FLRT2: variants seen among roughly 807,000 people sequenced by gnomAD.
The protein encoded by FLRT2 is leucine-rich repeat transmembrane protein FLRT2.
Under a neutral mutation model 40.0 loss-of-function variants are expected in FLRT2, and 15 were observed. That is an observed-to-expected ratio of 0.38 (90% CI 0.25 to 0.58). The LOEUF is 0.58. FLRT2 is among the 20% of genes least tolerant of loss of function. The pLI, the probability that FLRT2 is intolerant of heterozygous loss-of-function variation, is 0.71. For synonymous variants in FLRT2, 380 were observed against 336.8 expected (o/e 1.13, Z -1.41); for missense variants, 726 against 840.0 (o/e 0.86, Z 1.68).
chr14:85,644,601 C>A lies in FLRT2; in HGVS notation c.*21104C>A, dbSNP rs558297998. 6.6e-6 allele frequency: 1 copy of A among 152,316 alleles called. No individual in the cohort carries two copies. Among genetic ancestry groups the A allele is most frequent in the East Asian group, 1.9e-4 (1 of 5,186 alleles). The allele number at this position is 152,316 out of a possible 1,614,324, so 9.4% of individuals were successfully genotyped here. Reference sequence around the variant, plus strand: ...TTTTGCAAATTTCTGGGAGTTTAGTCCGGCATGTCTGGAAATCCTTTCCAA... The same window carrying A: ...TTTTGCAAATTTCTGGGAGTTTAGTACGGCATGTCTGGAAATCCTTTCCAA... On this transcript the variant is annotated 3_prime_UTR_variant, in exon 2 of 2. Coordinates refer to ENST00000330753, the MANE Select transcript of FLRT2 (RefSeq NM_013231.6).
intron 1 of FLRT2, among the ~76,000 whole-genome samples, chr14:85,618,010 G>A (rs958971315): frequency 2.0e-5 from 3 of 152,196 alleles, no homozygotes; most frequent in South Asian, 2.1e-4. Context: ...AGAGAGCAAG[G>A]CCTGGGGGCA....
At position 85,639,175 on chromosome 14, in the gene FLRT2, G is replaced by T. The variant is rs1459857848; in HGVS notation, c.*15678G>T. 6.6e-6 allele frequency: 1 copy of T among 152,144 alleles called. No individual in the cohort carries two copies. The highest frequency in any genetic ancestry group is 1.5e-5 in the Non-Finnish European group (1 of 68,034). 9.4% of individuals were successfully genotyped at this position (152,144 alleles called of 1,614,324 possible). On this transcript the variant is annotated 3_prime_UTR_variant, in exon 2 of 2. Transcript: ENST00000330753. ...TAAGGATACCTGCAGGATCCCACAG[G>T]TTTTCTCAGGGATTTGCTGGAAGCT...
At position 85,653,251 on chromosome 14, in the gene FLRT2, C is replaced by A. The variant is rs986686402; in HGVS notation, c.*29754C>A. On this transcript the variant is annotated 3_prime_UTR_variant, in exon 2 of 2. Transcript: ENST00000330753. ...GTTTTGAGCAAAGTTGTAACCCTGC[C>A]CACAAAATAGCTTTGCTAGGGAACA... 3 of 151,978 alleles carry A rather than the reference C, an allele frequency of 2.0e-5. No individual in the cohort carries two copies. The highest frequency in any genetic ancestry group is 4.4e-5 in the Non-Finnish European group (3 of 68,018). 9.4% of individuals were successfully genotyped at this position (151,978 alleles called of 1,614,324 possible).
chr14:85,577,474 C>T (rs1426715424), intron 1 of FLRT2, among the ~76,000 whole-genome samples: 2 of 152,146 alleles, frequency 1.3e-5, no homozygotes, highest in East Asian at 3.9e-4. Context: ...TTGTTAATTC[C>T]CTGCAGCCAT....
chr14:85,561,046 A>C (rs1469024883), intron 1 of FLRT2: 1 of 152,170 alleles, frequency 6.6e-6, no homozygotes, highest in East Asian at 1.9e-4. Context: ...CACTGTCAGT[A>C]TGTAGAGCAC....
intron 1 of FLRT2, among the ~76,000 whole-genome samples, chr14:85,534,015 C>G (rs1203514842): frequency 6.6e-6 from 1 of 152,222 alleles, no homozygotes; most frequent in African/African-American, 2.4e-5. Flanking sequence ...CCCCAACCCT[C>G]TTCTTCCATG....
At position 85,633,240 on chromosome 14, in the gene FLRT2, T is replaced by TG. The variant is rs1043386415; in HGVS notation, c.*9748dup. ...GGTTTTCATTATTCTGTATTCTTTC[T>TG]GGGGGAAAAAAATTGGGAAGATGAG... On this transcript the variant is annotated 3_prime_UTR_variant, in exon 2 of 2. Transcript: ENST00000330753. 6.6e-6 allele frequency: 1 copy of TG among 152,256 alleles called. No homozygotes were observed. The highest frequency in any genetic ancestry group is 2.4e-5 in the African/African-American group (1 of 41,560). 9.4% of individuals were successfully genotyped at this position (152,256 alleles called of 1,614,324 possible).
chr14:85,555,731 A>ATTTTAT (rs1256267797), intron 1 of FLRT2, among the ~76,000 whole-genome samples: 1 of 135,576 alleles, frequency 7.4e-6, no homozygotes, highest in African/African-American at 2.6e-5. Context: ...ATTTTATTTT[A>ATTTTAT]TTTTTTTAGA....
chr14:85,534,303 A>G (rs1888505930), intron 1 of FLRT2, among the ~76,000 whole-genome samples: 1 of 152,164 alleles, frequency 6.6e-6, no homozygotes, highest in Admixed American at 6.5e-5. Flanking sequence ...GAAATGGTTC[A>G]TGGATTTCAC....
At chr14:85,604,598 G>GA (rs574054800) in intron 1 of FLRT2, among the ~76,000 whole-genome samples, 2,389 of 147,320 alleles carry the variant, frequency 0.016, 60 homozygotes, top group African/African-American at 0.051. Context: ...CACCAAGAAA[G>GA]AAAAAAAAAA....
At chr14:85,564,911 A>C (rs1182509795) in intron 1 of FLRT2, among the ~76,000 whole-genome samples, 1 of 152,212 alleles carries the variant, frequency 6.6e-6, no homozygotes, top group Non-Finnish European at 1.5e-5. Context: ...AGGAGATAAG[A>C]GACTCATCCT....
chr14:85,624,141 A>C lies in FLRT2; in HGVS notation c.*644A>C, dbSNP rs941799711. The C allele has an allele frequency of 1.8e-5, 3 of 166,978 alleles. No homozygotes were observed. The highest frequency in any genetic ancestry group is 7.2e-5 in the African/African-American group (3 of 41,444). 10.3% of individuals were successfully genotyped at this position (166,978 alleles called of 1,614,324 possible). ...TTGAGATGAGATTTGAAAGGACCCG[A>C]AAATGCAGGGGTTGGCTTTCTGACT... On this transcript the variant is annotated 3_prime_UTR_variant, in exon 2 of 2. Transcript: ENST00000330753.
chr14:85,545,349 C>G (rs1035007067), intron 1 of FLRT2, among the ~76,000 whole-genome samples: 7 of 152,158 alleles, frequency 4.6e-5, no homozygotes, highest in Non-Finnish European at 7.4e-5. Context: ...CCATTTTACA[C>G]AAAGGGAAAC....
intron 1 of FLRT2, among the ~76,000 whole-genome samples, chr14:85,535,789 T>G (rs529325069): frequency 3.3e-5 from 5 of 151,876 alleles, no homozygotes; most frequent in Admixed American, 6.6e-5. Context: ...ATTTCAAACA[T>G]TATTCCATGT....
chr14:85,550,047 A>C (rs1889520240), intron 1 of FLRT2, among the ~76,000 whole-genome samples: 1 of 152,180 alleles, frequency 6.6e-6, no homozygotes, highest in Non-Finnish European at 1.5e-5. Context: ...GGAAAAAAAA[A>C]AAAGAAATAT....
intron 1 of FLRT2, among the ~76,000 whole-genome samples, chr14:85,607,382 G>A (rs191000806): frequency 1.9e-4 from 29 of 152,266 alleles, no homozygotes; most frequent in Admixed American, 1.7e-3. Flanking sequence ...TTAGAGTTAG[G>A]CGATATGACT....
chr14:85,587,958 G>A (rs1249139858), intron 1 of FLRT2, among the ~76,000 whole-genome samples: 3 of 151,716 alleles, frequency 2.0e-5, no homozygotes, highest in Non-Finnish European at 2.9e-5. Flanking sequence ...TTGAGATGGA[G>A]TCTTGCTCTG....
chr14:85,540,883 A>G (rs935152297), intron 1 of FLRT2, among the ~76,000 whole-genome samples: 8 of 152,268 alleles, frequency 5.3e-5, no homozygotes, highest in African/African-American at 1.7e-4. Flanking sequence ...AAGAGAGAAA[A>G]TATTTGCTAC....
chr14:85,538,134 C>T (rs1163038308), intron 1 of FLRT2, among the ~76,000 whole-genome samples: 1 of 152,068 alleles, frequency 6.6e-6, no homozygotes, highest in Admixed American at 6.6e-5. Flanking sequence ...TCAAATACCA[C>T]CTCTAACTTA....
Sources: gnomAD v4.1 joint callset for allele counts (sites outside exome capture counted in the v4.1 genomes callset) on GRCh38, gnomAD v4.1.1 for gene constraint, MANE v1.5 for transcripts, NCBI Gene and HGNC (gene_info 2026-07-23, HGNC 2026-07-21) for gene names.